WWOX: variants seen among roughly 807,000 people sequenced by gnomAD.
The protein encoded by WWOX is WW domain-containing oxidoreductase.
In WWOX, 69 loss-of-function variants were observed where a neutral mutation model predicts 46.2. That is an observed-to-expected ratio of 1.49 (90% CI 1.23 to 1.82). The LOEUF is 1.82. Among genes scored for constraint, WWOX ranks in the 40% most tolerant of loss-of-function variants. WWOX has a pLI of 0.00. For synonymous variants in WWOX, 359 were observed against 202.6 expected (o/e 1.77, Z -6.56); for missense variants, 919 against 542.6 (o/e 1.69, Z -6.89).
chr16:79,192,716 G>A (rs1379581097), intron 8 of WWOX, among the ~76,000 whole-genome samples: 2 of 152,066 alleles, frequency 1.3e-5, no homozygotes, highest in Non-Finnish European at 2.9e-5. Flanking sequence ...GTGGAGTCCA[G>A]CCCCTTTGCT....
At chr16:78,347,409 C>G (rs1273731910) in intron 5 of WWOX, among the ~76,000 whole-genome samples, 2 of 117,868 alleles carry the variant, frequency 1.7e-5, no homozygotes, top group African/African-American at 5.8e-5. Context: ...AGGTTATTCG[C>G]ACCTCATATG....
chr16:78,583,173 T>A (rs1262860019), intron 8 of WWOX, among the ~76,000 whole-genome samples: 4 of 152,154 alleles, frequency 2.6e-5, no homozygotes, highest in Non-Finnish European at 5.9e-5. Context: ...TAATGCAAAG[T>A]CTTTAAAGAT....
At chr16:78,778,764 A>T (rs890801051) in intron 8 of WWOX, among the ~76,000 whole-genome samples, 1 of 152,076 alleles carries the variant, frequency 6.6e-6, no homozygotes, top group African/African-American at 2.4e-5. Flanking sequence ...CAAAGAGCAC[A>T]CCGCCGTCCC....
chr16:78,972,201 C>T (rs2046484561), intron 8 of WWOX, among the ~76,000 whole-genome samples: 1 of 152,132 alleles, frequency 6.6e-6, no homozygotes, highest in African/African-American at 2.4e-5. Flanking sequence ...CCATCAGCTG[C>T]CGTGCTTGGA....
chr16:78,243,323 G>A (rs1455000987), intron 5 of WWOX, among the ~76,000 whole-genome samples: 1 of 152,116 alleles, frequency 6.6e-6, no homozygotes, highest in African/African-American at 2.4e-5. Flanking sequence ...GATGTGATAT[G>A]CAAACATCTG....
intron 8 of WWOX, among the ~76,000 whole-genome samples, chr16:78,693,151 T>C (rs969355854): frequency 1.3e-5 from 2 of 152,222 alleles, no homozygotes; most frequent in African/African-American, 4.8e-5. Context: ...ACAATGTATA[T>C]TTAAAAAGCA....
intron 8 of WWOX, among the ~76,000 whole-genome samples, chr16:78,441,103 C>A (rs565800483): frequency 6.6e-6 from 1 of 152,008 alleles, no homozygotes; most frequent in Non-Finnish European, 1.5e-5. Flanking sequence ...CCACCACGCA[C>A]GGCTGATGTT....
intron 5 of WWOX, among the ~76,000 whole-genome samples, chr16:78,354,913 C>T (rs1345337535): frequency 6.6e-6 from 1 of 152,052 alleles, no homozygotes; most frequent in South Asian, 2.1e-4. Context: ...GTGAGGAGAC[C>T]ACCTGAGGTC....
intron 8 of WWOX, among the ~76,000 whole-genome samples, chr16:78,860,541 G>A (rs950684042): frequency 6.6e-6 from 1 of 152,186 alleles, no homozygotes. Flanking sequence ...GCCAGACATT[G>A]TTCTAAGAGG....
chr16:78,760,021 G>T (rs534042453), intron 8 of WWOX, among the ~76,000 whole-genome samples: 2 of 152,228 alleles, frequency 1.3e-5, no homozygotes, highest in East Asian at 3.9e-4. Flanking sequence ...GGCTCATCCA[G>T]GATGTATTTG....
intron 8 of WWOX, among the ~76,000 whole-genome samples, chr16:78,963,473 C>A (rs975709451): frequency 6.6e-6 from 1 of 152,118 alleles, no homozygotes; most frequent in Non-Finnish European, 1.5e-5. Context: ...GTCTCAGAAA[C>A]AAAAACAAAT....
At chr16:78,108,332 C>G in intron 1 of WWOX, 91 bp from the exon 2 acceptor site, 1 of 1,298,942 alleles carries the variant, frequency 7.7e-7, no homozygotes, top group East Asian at 2.6e-5. Flanking sequence ...TTATATCTGG[C>G]TATCTGGGAG....
chr16:78,709,675 G>A (rs2048397453), intron 8 of WWOX, among the ~76,000 whole-genome samples: 1 of 151,954 alleles, frequency 6.6e-6, no homozygotes, highest in Non-Finnish European at 1.5e-5. Context: ...TTCCAAGTCT[G>A]CTGATGCATG....
intron 8 of WWOX, chr16:79,105,934 A>G (rs944378492): frequency 2.0e-5 from 3 of 152,172 alleles, no homozygotes; most frequent in African/African-American, 7.2e-5. Flanking sequence ...TGGCCTCCCG[A>G]AGTGTTGGAA....
intron 5 of WWOX, among the ~76,000 whole-genome samples, chr16:78,351,728 C>T (rs1365954621): frequency 1.3e-5 from 2 of 152,168 alleles, no homozygotes; most frequent in Non-Finnish European, 2.9e-5. Context: ...ACGATGTTGG[C>T]TCACTGCAAA....
intron 8 of WWOX, among the ~76,000 whole-genome samples, chr16:78,687,282 C>T (rs1007334732): frequency 7.9e-5 from 12 of 152,066 alleles, no homozygotes; most frequent in African/African-American, 2.9e-4. Context: ...ATCTCCATGT[C>T]GTAATTCTAA....
At chr16:78,907,755 C>G (rs1174680434) in intron 8 of WWOX, among the ~76,000 whole-genome samples, 2 of 152,196 alleles carry the variant, frequency 1.3e-5, no homozygotes, top group Non-Finnish European at 2.9e-5. Flanking sequence ...GAGGGTTTCT[C>G]TGAGGAGATC....
intron 8 of WWOX, among the ~76,000 whole-genome samples, chr16:79,152,901 G>A (rs1001279722): frequency 6.6e-6 from 1 of 152,154 alleles, no homozygotes; most frequent in Non-Finnish European, 1.5e-5. Context: ...GGAAGAGCAG[G>A]GATAGAAGTG....
intron 6 of WWOX, among the ~76,000 whole-genome samples, chr16:78,422,552 G>C (rs370869541): frequency 2.1e-4 from 32 of 149,234 alleles, no homozygotes; most frequent in African/African-American, 7.9e-4. Context: ...TTGCTGTGTT[G>C]CTCAGGCTGG....
Sources: allele counts gnomAD v4.1 joint callset (sites outside exome capture counted in the v4.1 genomes callset), GRCh38; gene constraint gnomAD v4.1.1; transcripts MANE v1.5; gene names NCBI Gene and HGNC (gene_info 2026-07-23, HGNC 2026-07-21).